Variants in TMIGD2 observed in about 807,000 individuals in gnomAD.
The protein encoded by TMIGD2 is transmembrane and immunoglobulin domain containing 2.
In TMIGD2, 18 loss-of-function variants were observed where a neutral mutation model predicts 22.6. That is an observed-to-expected ratio of 0.80 (90% CI 0.55 to 1.18). The LOEUF (loss-of-function observed/expected upper bound fraction) is 1.18. Ranked by LOEUF, TMIGD2 falls within the 50% of genes most tolerant of loss-of-function variation. The pLI is 0.00. For synonymous variants in TMIGD2, 184 were observed against 154.1 expected (o/e 1.19, Z -1.44); for missense variants, 361 against 378.2 (o/e 0.95, Z 0.38).
Position 4,294,684 on chromosome 19 carries a change from G to A in TMIGD2, c.449-4C>T, listed in dbSNP as rs1184381036. 1.9e-6 allele frequency: 3 copies of A among 1,586,208 alleles called. No homozygotes were observed. In the African/African-American group the frequency reaches 4.0e-5, roughly 21 times the overall value. ...CCCAGCAGCACGAAGAGGAATCCTG[G>A]GTAGGGGGAGAAGAGATGGTCTAAT... On this transcript the variant is annotated splice_region_variant and splice_polypyrimidine_tract_variant and intron_variant, in intron 3 of 4. Coordinates refer to ENST00000301272, the Ensembl canonical transcript of TMIGD2.
chr19:4,302,260 G>A, intron 1 of TMIGD2, 80 bp downstream of exon 1: 3 of 1,444,858 alleles, frequency 2.1e-6, no homozygotes, highest in Non-Finnish European at 2.8e-6. Flanking sequence ...GAAGTTTAGA[G>A]GGGCCCTGAG....
chr19:4,292,416 A>G, exon 5 of TMIGD2: 1 of 684,848 alleles, frequency 1.5e-6, no homozygotes, highest in Admixed American at 2.4e-5. Flanking sequence ...ATCTCGGCTC[A>G]CTGCAACCTC....
intron 2 of TMIGD2, 139 bp from the exon 3 acceptor site, chr19:4,294,955 T>C: frequency 2.4e-6 from 2 of 843,286 alleles, no homozygotes; most frequent in Non-Finnish European, 3.4e-6. Context: ...GAACCTCTGT[T>C]TCTTCTTCTG....
chr19:4,299,806 A>G (rs919944248), intron 1 of TMIGD2, among the ~76,000 whole-genome samples: 1 of 150,380 alleles, frequency 6.6e-6, no homozygotes, highest in Admixed American at 6.6e-5. Context: ...GAATCACTTG[A>G]ATCCGAGAGG....
intron 4 of TMIGD2, among the ~76,000 whole-genome samples, chr19:4,293,315 C>T (rs10424457): frequency 0.69 from 98,099 of 142,900 alleles, 34,813 homozygotes; most frequent in African/African-American, 0.89. Flanking sequence ...TGGAGTGTAG[C>T]AGCGGTGCGA....
At chr19:4,299,188 A>C (rs938374202) in intron 1 of TMIGD2, among the ~76,000 whole-genome samples, 1 of 152,150 alleles carries the variant, frequency 6.6e-6, no homozygotes, top group African/African-American at 2.4e-5. Flanking sequence ...TCTATAGTCC[A>C]GGCTGGAGTG....
chr19:4,297,881 T>G, intron 2 of TMIGD2, 105 bp downstream of exon 2: 2 of 1,360,368 alleles, frequency 1.5e-6, no homozygotes, highest in Non-Finnish European at 9.7e-7. Context: ...AAAAGTTTGA[T>G]ATGAAGAATT....
At chr19:4,296,855 C>T (rs1971467481) in intron 2 of TMIGD2, among the ~76,000 whole-genome samples, 1 of 152,308 alleles carries the variant, frequency 6.6e-6, no homozygotes, top group African/African-American at 2.4e-5. Context: ...GAGGCAAAGC[C>T]TGCATCCCCT....
intron 1 of TMIGD2, among the ~76,000 whole-genome samples, chr19:4,302,006 C>T (rs1448185107): frequency 1.3e-5 from 2 of 152,088 alleles, no homozygotes; most frequent in African/African-American, 4.8e-5. Context: ...TGCAAAGGCT[C>T]GAAGGCCAGA....
chr19:4,294,949 C>T (rs1971441611), intron 2 of TMIGD2, 133 bp from the exon 3 acceptor site: 1 of 876,428 alleles, frequency 1.1e-6, no homozygotes, highest in Admixed American at 3.8e-5. Context: ...CACTCTGAAC[C>T]TCTGTTTCTT....
At chr19:4,294,466 C>A in intron 4 of TMIGD2, 113 bp downstream of exon 4, 2 of 1,026,142 alleles carry the variant, frequency 1.9e-6, no homozygotes. Context: ...CTTCTCCTCC[C>A]TTCATCCCTC....
Position 4,301,133 on chromosome 19 carries a change from C to T in TMIGD2, c.46+1207G>A, listed in dbSNP as rs570452433. 2.6e-5 allele frequency among the ~76,000 whole-genome samples: 4 copies of T among 152,036 alleles called. No homozygotes were observed. In the South Asian group the frequency reaches 8.3e-4, roughly 31 times the overall value. On this transcript the variant is annotated intron_variant, in intron 1 of 4. Transcript: ENST00000301272. ...GACTACAGGCACTCGCTACCACGCC[C>T]AGCTAATTTTTGTATTTTTGGTAGA...
rs1176203207 is a variant in TMIGD2, at chr19:4,292,948, T to C, written c.563-63A>G. ...AGAGTCCTGCCCTCTCCAGCTGACC[T>C]CTGGGGGATCTGTCTCTTTTTTTTT... On this transcript the variant is annotated intron_variant, in intron 4 of 4. Transcript: ENST00000301272. 9 of 1,566,010 alleles carry C rather than the reference T, an allele frequency of 5.7e-6. No homozygotes were observed. The African/African-American group carries it at 1.3e-4, about 23-fold the overall frequency.
intron 2 of TMIGD2, among the ~76,000 whole-genome samples, chr19:4,295,275 A>AAAAAAAAAAG (rs1174089265): frequency 6.7e-6 from 1 of 148,846 alleles, no homozygotes; most frequent in Non-Finnish European, 1.5e-5. Flanking sequence ...AAAAAAAAAA[A>AAAAAAAAAAG]GAAGGCCAGG....
chr19:4,294,623 C>A, exon 4 of TMIGD2: 1 of 1,609,732 alleles, frequency 6.2e-7, no homozygotes, highest in Non-Finnish European at 8.5e-7. Flanking sequence ...GAACCAGGCA[C>A]CCCACACGAT....
intron 2 of TMIGD2, 147 bp downstream of exon 2, chr19:4,297,839 A>G: frequency 8.5e-7 from 1 of 1,170,466 alleles, no homozygotes; most frequent in Non-Finnish European, 1.1e-6. Context: ...CCTGGACGAC[A>G]GAGCAAGACT....
exon 5 of TMIGD2, chr19:4,292,238 T>C (rs1971389372): frequency 3.6e-6 from 1 of 281,282 alleles, no homozygotes; most frequent in Middle Eastern, 1.2e-3. Flanking sequence ...TTGCTTTTTC[T>C]TCACAAGCCT....
At chr19:4,293,407 C>T (rs1971412406) in intron 4 of TMIGD2, among the ~76,000 whole-genome samples, 1 of 150,058 alleles carries the variant, frequency 6.7e-6, no homozygotes, top group Non-Finnish European at 1.5e-5. Context: ...ATTACAAGCC[C>T]CCGCTACTAC....
At chr19:4,295,286 C>T (rs573509327) in intron 2 of TMIGD2, among the ~76,000 whole-genome samples, 3 of 113,092 alleles carry the variant, frequency 2.7e-5, no homozygotes, top group African/African-American at 3.6e-5. Context: ...GAAGGCCAGG[C>T]GCAGTGGCTC....
Sources: allele counts gnomAD v4.1 joint callset (sites outside exome capture counted in the v4.1 genomes callset), GRCh38; gene constraint gnomAD v4.1.1; transcripts MANE v1.5; gene names NCBI Gene and HGNC (gene_info 2026-07-23, HGNC 2026-07-21).